Variants in TRAPPC8 observed in about 807,000 individuals in gnomAD.
TRAPPC8 encodes trafficking protein particle complex subunit 8.
In TRAPPC8, 54 loss-of-function variants were observed where a neutral mutation model predicts 174.3. The observed-to-expected ratio is 0.31, with a 90% CI of 0.25 to 0.39. TRAPPC8 has a LOEUF of 0.39. Ranked by LOEUF, TRAPPC8 falls within the 10% of genes least tolerant of loss-of-function variation. TRAPPC8 has a pLI of 1.00. For synonymous variants in TRAPPC8, 630 were observed against 579.9 expected, an observed-to-expected ratio of 1.09 and a Z score of -1.24; for missense variants, 1,531 against 1,699.1, an observed-to-expected ratio of 0.90 and a Z score of 1.74.
chr18:31,887,504 G>T (rs1350385103), intron 12 of TRAPPC8, among the ~76,000 whole-genome samples: 1 of 149,720 alleles, frequency 6.7e-6, no homozygotes, highest in Non-Finnish European at 1.5e-5. Flanking sequence ...AAATTACCCG[G>T]GTGTGATGGC....
At chr18:31,874,753 A>G in intron 12 of TRAPPC8, 49 bp from the exon 13 acceptor site, 1 of 1,495,692 alleles carries the variant, frequency 6.7e-7, no homozygotes, top group Non-Finnish European at 9.1e-7. Flanking sequence ...ATTTGTTTGA[A>G]CTAGAAAAAA....
At chr18:31,875,004 T>C (rs187703046) in intron 12 of TRAPPC8, among the ~76,000 whole-genome samples, 1 of 152,322 alleles carries the variant, frequency 6.6e-6, no homozygotes, top group African/African-American at 2.4e-5. Context: ...TGAGCCACAA[T>C]TTCAAAACGT....
intron 11 of TRAPPC8, among the ~76,000 whole-genome samples, chr18:31,895,332 T>C (rs999971826): frequency 6.6e-6 from 1 of 152,138 alleles, no homozygotes; most frequent in Non-Finnish European, 1.5e-5. Flanking sequence ...TAATCATTAG[T>C]CTCAAGTTAT....
intron 27 of TRAPPC8, chr18:31,833,300 G>A (rs1485402975): frequency 6.6e-6 from 1 of 152,178 alleles, no homozygotes; most frequent in Non-Finnish European, 1.5e-5. Flanking sequence ...TCTAGTAGAA[G>A]AAGAAATGTG....
intron 12 of TRAPPC8, among the ~76,000 whole-genome samples, chr18:31,876,948 G>C (rs1179607930): frequency 6.6e-6 from 1 of 152,160 alleles, no homozygotes; most frequent in East Asian, 1.9e-4. Flanking sequence ...CTCTGCTCTT[G>C]AGTCACCACC....
At chr18:31,847,218 G>A (rs1387669578) in intron 25 of TRAPPC8, among the ~76,000 whole-genome samples, 2 of 152,178 alleles carry the variant, frequency 1.3e-5, no homozygotes, top group African/African-American at 2.4e-5. Context: ...TCACACAGCT[G>A]AGCAAAATCA....
chr18:31,896,815 G>A (rs958512337), intron 11 of TRAPPC8, among the ~76,000 whole-genome samples: 2 of 152,156 alleles, frequency 1.3e-5, no homozygotes, highest in South Asian at 2.1e-4. Flanking sequence ...GTAGAGACAG[G>A]ATTACACTAT....
chr18:31,917,166 C>T (rs1294937020), intron 3 of TRAPPC8, among the ~76,000 whole-genome samples: 1 of 151,782 alleles, frequency 6.6e-6, no homozygotes, highest in African/African-American at 2.4e-5. Context: ...TAAAAAAATA[C>T]CCATTAAAAA....
intron 12 of TRAPPC8, among the ~76,000 whole-genome samples, chr18:31,878,410 C>T (rs936298810): frequency 6.6e-6 from 1 of 152,004 alleles, no homozygotes; most frequent in African/African-American, 2.4e-5. Context: ...CCAAACTAAG[C>T]TTCATAATTG....
At chr18:31,935,017 T>C (rs1318733489) in intron 1 of TRAPPC8, among the ~76,000 whole-genome samples, 1 of 151,726 alleles carries the variant, frequency 6.6e-6, no homozygotes, top group Non-Finnish European at 1.5e-5. Flanking sequence ...ATGACATCTT[T>C]TATGCTTTTA....
chr18:31,833,523 A>C (rs946089126), intron 27 of TRAPPC8: 2 of 152,204 alleles, frequency 1.3e-5, no homozygotes, highest in Non-Finnish European at 2.9e-5. Context: ...TTTTCCTTAC[A>C]AGTTCAAGTC....
At chr18:31,859,828 C>G (rs1198753425) in intron 19 of TRAPPC8, among the ~76,000 whole-genome samples, 1 of 152,160 alleles carries the variant, frequency 6.6e-6, no homozygotes, top group East Asian at 1.9e-4. Context: ...CCAGCCTGAC[C>G]AACATGGTGA....
chr18:31,865,500 A>G (rs2034542568), intron 18 of TRAPPC8, among the ~76,000 whole-genome samples: 1 of 152,012 alleles, frequency 6.6e-6, no homozygotes, highest in Admixed American at 6.5e-5. Context: ...CCAAATCCTT[A>G]TTAGCATTTT....
chr18:31,908,141 AAATT>A (rs1243994526), intron 8 of TRAPPC8, among the ~76,000 whole-genome samples, 158 bp downstream of exon 8: 2 of 152,178 alleles, frequency 1.3e-5, no homozygotes, highest in East Asian at 1.9e-4. Flanking sequence ...AGTTTTTAAA[AAATT>A]AATATGATTT....
chr18:31,913,465 T>C lies in TRAPPC8; in HGVS notation c.675A>G (p.Leu225=). The C allele has an allele frequency of 6.2e-7, 1 of 1,611,862 alleles. No individual in the cohort carries two copies. Among genetic ancestry groups the C allele is most frequent in the South Asian group, 1.1e-5 (1 of 90,492 alleles). Residue 225 remains leucine (L), a synonymous_variant, in exon 5 of 29, where the codon TTA becomes TTG. Transcript: ENST00000283351. The part of the protein sequence containing the change: ...KQKYGTQGCY[L]LKINSRTSNR... ...TAGATGTTCGAGAATTAATTTTAAG[T>C]AAATAGCAACCCTGAGTTCCATATT... is the stretch of plus-strand genomic sequence containing the variant.
chr18:31,937,076 T>G (rs887992949), intron 1 of TRAPPC8, among the ~76,000 whole-genome samples: 9 of 150,870 alleles, frequency 6.0e-5, no homozygotes, highest in Admixed American at 4.0e-4. Context: ...TAGCCAGGCG[T>G]GGTGGTGGGC....
intron 4 of TRAPPC8, among the ~76,000 whole-genome samples, chr18:31,914,606 G>C (rs1317993130): frequency 6.6e-6 from 1 of 152,136 alleles, no homozygotes; most frequent in Non-Finnish European, 1.5e-5. Context: ...TAATTAACTG[G>C]ATCTGCAGAG....
At chr18:31,938,144 A>G (rs1300037738) in intron 1 of TRAPPC8, among the ~76,000 whole-genome samples, 1 of 152,154 alleles carries the variant, frequency 6.6e-6, no homozygotes, top group Non-Finnish European at 1.5e-5. Flanking sequence ...TAGAACTATC[A>G]AAGAACTATC....
Position 31,913,487 on chromosome 18 carries a change from T to G in TRAPPC8, c.653A>C (p.Tyr218Ser). The change falls in exon 5 of 29, where the codon TAT (tyrosine) becomes TCT (serine). Residue 218 changes from tyrosine to serine, a missense_variant. Physicochemically the swap from Tyr to Ser is moderately radical, Grantham distance 144. Coordinates refer to ENST00000283351, the MANE Select transcript of TRAPPC8 (RefSeq NM_014939.5). ...ESIYEEMKQK[Y>S]GTQGCYLLKI... ...AAGTAAATAGCAACCCTGAGTTCCATATTTCTGTTTCATTTCTTCATAAAT... is the reference window on the plus strand; with the variant it reads ...AAGTAAATAGCAACCCTGAGTTCCAGATTTCTGTTTCATTTCTTCATAAAT... 6.3e-7 allele frequency: 1 copy of G among 1,599,142 alleles called. No homozygotes were observed. Among genetic ancestry groups the G allele is most frequent in the Non-Finnish European group, 8.5e-7 (1 of 1,176,552 alleles).
Sources: allele counts gnomAD v4.1 joint callset (sites outside exome capture counted in the v4.1 genomes callset), GRCh38; gene constraint gnomAD v4.1.1; transcripts MANE v1.5; gene names NCBI Gene and HGNC (gene_info 2026-07-23, HGNC 2026-07-21).